The following GRIA2 variants were observed in gnomAD, a reference collection of about 807,000 sequenced individuals.
GRIA2 encodes glutamate ionotropic receptor AMPA type subunit 2.
In GRIA2, 14 loss-of-function variants were observed where a neutral mutation model predicts 97.3. The ratio of observed to expected loss-of-function variants is 0.14; its 90% CI spans 0.10 to 0.23. The LOEUF (loss-of-function observed/expected upper bound fraction) is 0.23, where lower values mean the gene tolerates loss of function less well. Among genes scored for constraint, GRIA2 ranks in the 10% least tolerant of loss-of-function variants. The pLI, the probability that GRIA2 is intolerant of heterozygous loss-of-function variation, is 1.00. For missense variants in GRIA2, 558 were observed against 1,069.8 expected (o/e 0.52, Z 6.67); for synonymous variants, 412 against 387.8 (o/e 1.06, Z -0.73).
chr4:157,294,750 C>A (rs2126844368), intron 2 of GRIA2, among the ~76,000 whole-genome samples: 1 of 152,174 alleles, frequency 6.6e-6, no homozygotes, highest in South Asian at 2.1e-4. Flanking sequence ...CTGAGACTTG[C>A]CAGCAGCACA....
intron 2 of GRIA2, among the ~76,000 whole-genome samples, chr4:157,233,698 T>C (rs1221673972): frequency 6.6e-6 from 1 of 152,136 alleles, no homozygotes; most frequent in East Asian, 1.9e-4. Flanking sequence ...ATCAGCCCTT[T>C]ACTGATATAA....
At chr4:157,309,187 A>G (rs542303061) in intron 3 of GRIA2, among the ~76,000 whole-genome samples, 3 of 152,072 alleles carry the variant, frequency 2.0e-5, no homozygotes, top group Non-Finnish European at 2.9e-5. Context: ...GCACTACTTG[A>G]GCAGTTTAGT....
chr4:157,363,151 A>G (rs950750587), intron 15 of GRIA2, 104 bp downstream of exon 15: 2 of 1,197,110 alleles, frequency 1.7e-6, no homozygotes, highest in Non-Finnish European at 2.4e-6. Flanking sequence ...ATCATCCTGT[A>G]TGTATTGTTG....
chr4:157,333,187 A>C lies in GRIA2; in HGVS notation c.1051-62A>C, dbSNP rs1451733655. 4 of 1,011,566 alleles carry C rather than the reference A, an allele frequency of 4.0e-6. No homozygotes were observed. In the African/African-American group the frequency reaches 6.5e-5, roughly 16 times the overall value. 62.7% of individuals were successfully genotyped at this position (1,011,566 alleles called of 1,614,324 possible). On this transcript the variant is annotated intron_variant, in intron 7 of 15. Coordinates refer to ENST00000264426, the MANE Select transcript of GRIA2 (RefSeq NM_001083619.3). ...ACTTCATCTGGTTAAAGTAATCTGT[A>C]CAGTGTATATGTTTGGTTGAAGTAA...
At chr4:157,248,613 A>ATGTATATATACGTATATATATACACCTG (rs1730865892) in intron 2 of GRIA2, among the ~76,000 whole-genome samples, 31 of 67,482 alleles carry the variant, frequency 4.6e-4, no homozygotes, top group Middle Eastern at 6.6e-3. Flanking sequence ...GTATATATAC[A>ATGTATATATACGTATATATATACACCTG]TGTATATATA....
At chr4:157,344,561 C>A (rs1735692611) in intron 12 of GRIA2, among the ~76,000 whole-genome samples, 1 of 152,092 alleles carries the variant, frequency 6.6e-6, no homozygotes, top group South Asian at 2.1e-4. Flanking sequence ...TAGCAGATTA[C>A]ACATGCAATA....
At chr4:157,334,716 G>A (rs1560771472) in intron 9 of GRIA2, 1 of 152,090 alleles carries the variant, frequency 6.6e-6, no homozygotes, top group African/African-American at 2.4e-5. Flanking sequence ...GAAATGAAAT[G>A]GAGAAAATGG....
intron 6 of GRIA2, among the ~76,000 whole-genome samples, chr4:157,324,525 G>A (rs1027770889): frequency 5.3e-5 from 8 of 152,204 alleles, no homozygotes; most frequent in Admixed American, 5.2e-4. Flanking sequence ...AGGGATGCCT[G>A]TGCAAGGCTT....
chr4:157,220,682 G>A (rs1729448345), upstream of GRIA2: 2 of 281,234 alleles, frequency 7.1e-6, no homozygotes, highest in East Asian at 8.4e-5. Context: ...GTGCGCGCGC[G>A]CGTGAGTGAG....
intron 2 of GRIA2, among the ~76,000 whole-genome samples, chr4:157,237,123 A>C (rs1219182590): frequency 6.6e-6 from 1 of 152,048 alleles, no homozygotes; most frequent in African/African-American, 2.4e-5. Flanking sequence ...GTGCTTTAAT[A>C]CCATCATATT....
chr4:157,362,076 T>C (rs189167352), intron 14 of GRIA2, among the ~76,000 whole-genome samples: 2 of 152,278 alleles, frequency 1.3e-5, no homozygotes, highest in East Asian at 3.9e-4. Flanking sequence ...GTGTGCATCA[T>C]GTGTGCTCTG....
intron 2 of GRIA2, among the ~76,000 whole-genome samples, chr4:157,277,826 G>GTATATATATATATA (rs1732397340): frequency 7.1e-6 from 1 of 141,094 alleles, no homozygotes; most frequent in Non-Finnish European, 1.5e-5. Context: ...ATATATATAT[G>GTATATATATATATA]TATATATGTA....
At chr4:157,232,766 T>TA (rs990845771) in intron 2 of GRIA2, among the ~76,000 whole-genome samples, 1 of 151,888 alleles carries the variant, frequency 6.6e-6, no homozygotes, top group African/African-American at 2.4e-5. Flanking sequence ...CTGCGAAGAT[T>TA]AAAAAAAATT....
chr4:157,332,911 G>C lies in GRIA2; in HGVS notation c.975G>C (p.Gly325=). 2.5e-6 allele frequency: 4 copies of C among 1,612,588 alleles called. No homozygotes were observed. Among genetic ancestry groups the C allele is most frequent in the Non-Finnish European group, 3.4e-6 (4 of 1,178,972 alleles). ...RKQRIEISRR[G]NAGDCLANPA... is the part of the protein sequence containing the mutation. ...AAAGAATTGAAATCTCCCGAAGGGG[G>C]AATGCAGGAGACTGTCTGGCAAACC... Residue 325 remains glycine, a synonymous_variant, in exon 7 of 16, where the codon GGG becomes GGC. Coordinates refer to ENST00000264426, the MANE Select transcript of GRIA2 (RefSeq NM_001083619.3).
chr4:157,258,189 A>G (rs1731363792), intron 2 of GRIA2, among the ~76,000 whole-genome samples: 1 of 152,106 alleles, frequency 6.6e-6, no homozygotes, highest in South Asian at 2.1e-4. Flanking sequence ...TTCAGGGAAC[A>G]AGGGAGATAA....
In GRIA2 at chr4:157,361,184, A is replaced by T; in HGVS notation, c.2406+60A>T. On this transcript the variant is annotated intron_variant, in intron 14 of 15. Transcript: ENST00000264426. The surrounding 1 kb of genome is among the most constrained non-coding windows in gnomAD (Gnocchi z 5.2). Reference sequence around the variant, plus strand: ...ATGCAAAACAAAGTAAGCAGCAGCTATGCACAGTGTGGGCACTCCGTGCCA... The same window carrying T: ...ATGCAAAACAAAGTAAGCAGCAGCTTTGCACAGTGTGGGCACTCCGTGCCA... 7.5e-7 allele frequency: 1 copy of T among 1,326,642 alleles called. No homozygotes were observed. Among genetic ancestry groups the T allele is most frequent in the South Asian group, 1.2e-5 (1 of 84,124 alleles). 82.2% of individuals were successfully genotyped at this position (1,326,642 alleles called of 1,614,324 possible).
chr4:157,244,675 A>C (rs547670282), intron 2 of GRIA2, among the ~76,000 whole-genome samples: 2 of 151,928 alleles, frequency 1.3e-5, no homozygotes, highest in Non-Finnish European at 2.9e-5. Flanking sequence ...TAGAGTTATT[A>C]CTCAGAACCT....
intron 13 of GRIA2, 182 bp from the exon 14 acceptor site, chr4:157,360,828 C>A: frequency 1.5e-6 from 1 of 660,626 alleles, no homozygotes; most frequent in Non-Finnish European, 2.8e-6. Context: ...TGCTCTACCA[C>A]CTTACCCAAA....
rs1579394442 is a variant in GRIA2, at chr4:157,360,874, T to C, written c.2292-136T>C. 8 of 693,156 alleles carry C rather than the reference T, an allele frequency of 1.2e-5. No homozygotes were observed. The East Asian group carries it at 1.9e-4, about 17-fold the overall frequency. The allele number at this position is 693,156 out of a possible 1,614,324, so 42.9% of individuals were successfully genotyped here. On this transcript the variant is annotated intron_variant, in intron 13 of 15. Coordinates refer to ENST00000264426, the MANE Select transcript of GRIA2 (RefSeq NM_001083619.3). ...TTTAGTAGCTCATAGTAACATATTA[T>C]TGTGGCCTTTTTCCCACTTCATTTT... is the stretch of plus-strand genomic sequence containing the variant.
Sources: gnomAD v4.1 joint callset for allele counts (sites outside exome capture counted in the v4.1 genomes callset) on GRCh38, gnomAD v4.1.1 for gene constraint, Gnocchi (gnomAD v3.1) non-coding constraint, MANE v1.5 for transcripts, NCBI Gene and HGNC (gene_info 2026-07-23, HGNC 2026-07-21) for gene names.